Variants in AREL1 observed in about 807,000 individuals in gnomAD.
AREL1 encodes apoptosis resistant E3 ubiquitin protein ligase 1.
AREL1 carries 62 observed loss-of-function variants against 99.0 expected under a neutral mutation model. That is an observed-to-expected ratio of 0.63 (90% CI 0.51 to 0.77). The LOEUF is 0.77. AREL1 is among the 30% of genes least tolerant of loss of function. The pLI is 0.00. For synonymous variants in AREL1, 380 were observed against 376.5 expected, an observed-to-expected ratio of 1.01 and a Z score of -0.11; for missense variants, 879 against 1,027.6, an observed-to-expected ratio of 0.86 and a Z score of 1.98.
chr14:74,702,131 T>C (rs1160249656), intron 1 of AREL1, among the ~76,000 whole-genome samples: 4 of 152,224 alleles, frequency 2.6e-5, no homozygotes. Context: ...TCTACCACTC[T>C]GGGGTCTGGA....
At chr14:74,672,799 G>C in intron 11 of AREL1, 32 bp downstream of exon 11, 1 of 1,612,858 alleles carries the variant, frequency 6.2e-7, no homozygotes, top group African/African-American at 1.3e-5. Context: ...GAAAACTTTG[G>C]TATCTGCTGA....
At chr14:74,683,087 G>C (rs947183963) in intron 5 of AREL1, among the ~76,000 whole-genome samples, 1 of 151,986 alleles carries the variant, frequency 6.6e-6, no homozygotes, top group African/African-American at 2.4e-5. Context: ...CATGTATGGG[G>C]TTTCTTTTTG....
chr14:74,712,723 C>T (rs1178561985), intron 1 of AREL1: 1 of 301,990 alleles, frequency 3.3e-6, no homozygotes, highest in Non-Finnish European at 6.6e-6. Flanking sequence ...AGCACCATAT[C>T]GGCTAGGAAA....
At chr14:74,697,582 T>TATTTATACTCTTGAGATATA (rs2090001652) in intron 1 of AREL1, among the ~76,000 whole-genome samples, 3 of 152,222 alleles carry the variant, frequency 2.0e-5, no homozygotes, top group Non-Finnish European at 4.4e-5. Context: ...ATTTATACAG[T>TATTTATACTCTTGAGATATA]TGTCTATTTC....
chr14:74,683,924 A>C (rs537014858), intron 4 of AREL1, among the ~76,000 whole-genome samples: 31 of 152,236 alleles, frequency 2.0e-4, no homozygotes, highest in Non-Finnish European at 4.0e-4. Flanking sequence ...AGTGAACTAA[A>C]GCGTTACCAG....
In AREL1 at chr14:74,684,484, C is replaced by T. The variant is rs1351906808; in HGVS notation, c.213G>A (p.Glu71=). 6.2e-7 allele frequency: 1 copy of T among 1,614,154 alleles called. No homozygotes were observed. Among genetic ancestry groups the T allele is most frequent in the South Asian group, 1.1e-5 (1 of 91,078 alleles). The change falls in exon 4 of 20, where the codon GAG becomes GAA. Residue 71 remains glutamate, a synonymous_variant. Coordinates refer to ENST00000356357, the MANE Select transcript of AREL1 (RefSeq NM_001039479.2). ...CTCGGAAGGCCATGCTGTGGCCCAC[C>T]TCATAGGGGTCCTTCCAATCCCAGG... ...KVSWDWKDPY[E]VGHSMAFRVH...
At chr14:74,705,015 T>A (rs1385606321) in intron 1 of AREL1, among the ~76,000 whole-genome samples, 1 of 152,144 alleles carries the variant, frequency 6.6e-6, no homozygotes, top group Non-Finnish European at 1.5e-5. Context: ...CACATTACCA[T>A]GCACTATTTA....
chr14:74,676,652 C>T lies in AREL1; in HGVS notation c.582G>A (p.Glu194=). ...PHTLQIVPRD[E]YDNPTNNSMS... ...TGGAATTGTTGGTGGGATTATCATA[C>T]TCATCTCGGGGTACTATTTGAAGGG... The change falls in exon 6 of 20, where the codon GAG becomes GAA. Residue 194 remains glutamate, a synonymous_variant. Coordinates refer to ENST00000356357, the MANE Select transcript of AREL1 (RefSeq NM_001039479.2). 6.2e-7 allele frequency: 1 copy of T among 1,614,018 alleles called. No individual in the cohort carries two copies. Among genetic ancestry groups the T allele is most frequent in the Non-Finnish European group, 8.5e-7 (1 of 1,179,982 alleles).
chr14:74,667,367 T>C lies in AREL1; in HGVS notation c.2055A>G (p.Glu685=). 6 of 1,614,148 alleles carry C rather than the reference T, an allele frequency of 3.7e-6. No individual in the cohort carries two copies. The highest frequency in any genetic ancestry group is 5.1e-6 in the Non-Finnish European group (6 of 1,180,012). ...TAGCCAAAAGGTTCTCAGGGACCAA[T>C]TCATTCAGGCCTGAAACAAAGTAGG... ...EVEHFLKGLN[E]LVPENLLAIF... is the part of the protein sequence containing the mutation. Residue 685 remains glutamate, a synonymous_variant, in exon 17 of 20, where the codon GAA becomes GAG. Coordinates refer to ENST00000356357, the MANE Select transcript of AREL1 (RefSeq NM_001039479.2).
At chr14:74,699,385 G>C (rs55638691) in intron 1 of AREL1, among the ~76,000 whole-genome samples, 59,788 of 151,334 alleles carry the variant, frequency 0.4, 14,172 homozygotes, top group Non-Finnish European at 0.52. Flanking sequence ...GTGAGAGAGA[G>C]AGAGAGAGAG....
At chr14:74,688,999 G>A (rs2089809494) in intron 2 of AREL1, among the ~76,000 whole-genome samples, 1 of 151,236 alleles carries the variant, frequency 6.6e-6, no homozygotes, top group African/African-American at 2.4e-5. Flanking sequence ...ACCACGCCAG[G>A]CTAATTTTTT....
chr14:74,691,423 T>C (rs1012640182), intron 2 of AREL1, among the ~76,000 whole-genome samples: 1 of 147,018 alleles, frequency 6.8e-6, no homozygotes, highest in Non-Finnish European at 1.5e-5. Context: ...GTCATAAGGA[T>C]AGTGAAGTAT....
At chr14:74,712,161 AG>A in intron 1 of AREL1, 1 of 151,846 alleles carries the variant, frequency 6.6e-6, no homozygotes, top group Non-Finnish European at 1.5e-5. Flanking sequence ...CCCTGAACAA[AG>A]TCTGGGGCTC....
chr14:74,663,804 G>C lies in AREL1; in HGVS notation c.2388C>G (p.Leu796=). 6.2e-7 allele frequency: 1 copy of C among 1,614,196 alleles called. No homozygotes were observed. The highest frequency in any genetic ancestry group is 1.3e-5 in the African/African-American group (1 of 75,050). Residue 796 remains leucine (L), a synonymous_variant, in exon 20 of 20, where the codon CTC becomes CTG. Transcript: ENST00000356357. ...TAHTCFNQLC[L]PTYDSYEEVH... The stretch of plus-strand genomic sequence containing the variant: ...CCTCTTCATAGGAGTCATATGTAGG[G>C]AGGCACAGCTGGTTAAAACTGGAAG...
chr14:74,701,459 C>T (rs966673323), intron 1 of AREL1, among the ~76,000 whole-genome samples: 5 of 152,062 alleles, frequency 3.3e-5, no homozygotes, highest in African/African-American at 1.2e-4. Context: ...AAAGAGAAAT[C>T]CCTTATAAAA....
At chr14:74,679,383 C>G (rs1657931311) in intron 5 of AREL1, among the ~76,000 whole-genome samples, 1 of 152,032 alleles carries the variant, frequency 6.6e-6, no homozygotes, top group East Asian at 1.9e-4. Context: ...GACTATGCTA[C>G]TGCACGCCAT....
intron 15 of AREL1, among the ~76,000 whole-genome samples, chr14:74,669,052 T>C (rs1247382988): frequency 6.6e-6 from 1 of 152,114 alleles, no homozygotes; most frequent in Non-Finnish European, 1.5e-5. Context: ...CACGCCACCA[T>C]ACCCAGCTAG....
chr14:74,703,626 T>C (rs2090124925), intron 1 of AREL1, among the ~76,000 whole-genome samples: 1 of 152,224 alleles, frequency 6.6e-6, no homozygotes, highest in African/African-American at 2.4e-5. Flanking sequence ...TCACTTAGCA[T>C]AATGGTTCTT....
At chr14:74,688,576 A>C (rs2089799602) in intron 2 of AREL1, among the ~76,000 whole-genome samples, 1 of 152,098 alleles carries the variant, frequency 6.6e-6, no homozygotes, top group Non-Finnish European at 1.5e-5. Flanking sequence ...ACCAATTACT[A>C]CTTTTTCCCC....
Sources: gnomAD v4.1 joint callset for allele counts (sites outside exome capture counted in the v4.1 genomes callset) on GRCh38, gnomAD v4.1.1 for gene constraint, MANE v1.5 for transcripts, NCBI Gene and HGNC (gene_info 2026-07-23, HGNC 2026-07-21) for gene names.